GTF2E2: variants seen among roughly 807,000 people sequenced by gnomAD.
The protein encoded by GTF2E2 is transcription initiation factor IIE subunit beta.
A neutral mutation model predicts 40.5 loss-of-function variants in GTF2E2; 21 were observed. That is an observed-to-expected ratio of 0.52 (90% CI 0.37 to 0.75). The LOEUF (loss-of-function observed/expected upper bound fraction) is 0.75. Ranked by LOEUF, GTF2E2 falls within the 30% of genes least tolerant of loss-of-function variation. The pLI is 0.00. For missense variants in GTF2E2, 298 were observed against 338.4 expected (o/e 0.88, Z 0.94); for synonymous variants, 117 against 121.6 (o/e 0.96, Z 0.25).
chr8:30,637,636 G>A (rs985618320), intron 2 of GTF2E2, among the ~76,000 whole-genome samples: 3 of 152,078 alleles, frequency 2.0e-5, no homozygotes, highest in African/African-American at 7.2e-5. Flanking sequence ...CAATTCTCCT[G>A]CCTCAACCTC....
chr8:30,645,763 T>TA, intron 2 of GTF2E2: 1 of 628,456 alleles, frequency 1.6e-6, no homozygotes, highest in East Asian at 2.8e-5. Flanking sequence ...TTTGTGTGTA[T>TA]AGCCATTTCA....
chr8:30,653,546 G>A lies in GTF2E2; in HGVS notation c.53C>T (p.Ser18Phe), dbSNP rs1802357122. 1.5e-5 allele frequency: 25 copies of A among 1,613,216 alleles called. No individual in the cohort carries two copies. The highest frequency in any genetic ancestry group is 2.1e-5 in the Non-Finnish European group (25 of 1,179,388). The change falls in exon 2 of 8, where the codon TCT becomes TTT. Residue 18 changes from serine (S) to phenylalanine (F), a missense_variant. Ser to Phe is a radical substitution (Grantham distance 155, BLOSUM62 -2). Coordinates refer to ENST00000355904, the MANE Select transcript of GTF2E2 (RefSeq NM_002095.6). ...ERELFKKRALSTPVVEKRSAS... is the reference protein window; with the variant it reads ...ERELFKKRALFTPVVEKRSAS... ...TGAACGTTTTTCTACTACAGGAGTA[G>A]AAAGAGCTCGTTTTTTGAACAGCTC...
At chr8:30,613,378 T>C (rs1156566420) in intron 4 of GTF2E2, among the ~76,000 whole-genome samples, 3 of 152,188 alleles carry the variant, frequency 2.0e-5, no homozygotes, top group South Asian at 2.1e-4. Context: ...AATTACTGAA[T>C]ATAATTATGT....
chr8:30,607,044 C>G lies in GTF2E2; in HGVS notation c.643+13G>C. 9.5e-7 allele frequency: 1 copy of G among 1,054,414 alleles called. No homozygotes were observed. Among genetic ancestry groups the G allele is most frequent in the Non-Finnish European group, 1.4e-6 (1 of 698,186 alleles). The allele number at this position is 1,054,414 out of a possible 1,614,324, so 65.3% of individuals were successfully genotyped here. ...TATACTTGCAAACTAAAGTATAATACAGAAAAGCTCACCTTCATCCACAGA... is the reference window on the plus strand; with the variant it reads ...TATACTTGCAAACTAAAGTATAATAGAGAAAAGCTCACCTTCATCCACAGA... On this transcript the variant is annotated intron_variant, in intron 6 of 7. Coordinates refer to ENST00000355904, the MANE Select transcript of GTF2E2 (RefSeq NM_002095.6).
chr8:30,619,130 C>T (rs539188369), intron 3 of GTF2E2, among the ~76,000 whole-genome samples: 18 of 152,048 alleles, frequency 1.2e-4, no homozygotes, highest in South Asian at 4.2e-4. Flanking sequence ...TTAGTAAAGA[C>T]GAGGTTTCAC....
intron 3 of GTF2E2, among the ~76,000 whole-genome samples, chr8:30,630,991 G>A (rs2151144510): frequency 6.6e-6 from 1 of 151,862 alleles, no homozygotes; most frequent in African/African-American, 2.4e-5. Context: ...GAGAACACTG[G>A]TTAAAAAAAA....
At chr8:30,599,882 C>G (rs1829125554) in intron 6 of GTF2E2, among the ~76,000 whole-genome samples, 1 of 152,108 alleles carries the variant, frequency 6.6e-6, no homozygotes, top group African/African-American at 2.4e-5. Flanking sequence ...ACTAGGGAGG[C>G]TGAGGCAGAA....
At chr8:30,624,832 T>C (rs1482652082) in intron 3 of GTF2E2, among the ~76,000 whole-genome samples, 1 of 152,118 alleles carries the variant, frequency 6.6e-6, no homozygotes, top group Non-Finnish European at 1.5e-5. Flanking sequence ...TGTGTAAGAA[T>C]GCTTGTGGTT....
chr8:30,619,894 C>T (rs796978556), intron 3 of GTF2E2, among the ~76,000 whole-genome samples: 6 of 152,044 alleles, frequency 3.9e-5, no homozygotes, highest in African/African-American at 1.4e-4. Flanking sequence ...AACCAAGGAT[C>T]CAGAGATAGG....
chr8:30,623,381 T>C (rs1314973365), intron 3 of GTF2E2, among the ~76,000 whole-genome samples: 1 of 152,122 alleles, frequency 6.6e-6, no homozygotes, highest in Non-Finnish European at 1.5e-5. Flanking sequence ...GAACTCATCA[T>C]TTTTTATGGC....
chr8:30,648,050 G>C (rs1218361949), intron 2 of GTF2E2, among the ~76,000 whole-genome samples: 3 of 152,182 alleles, frequency 2.0e-5, no homozygotes, highest in Non-Finnish European at 4.4e-5. Context: ...AATTCACACT[G>C]AAGAATGAGA....
chr8:30,612,235 T>G (rs1829495494), intron 5 of GTF2E2, 64 bp downstream of exon 5: 1 of 1,054,554 alleles, frequency 9.5e-7, no homozygotes, highest in African/African-American at 1.6e-5. Context: ...TTTGATATTT[T>G]TAAAACCAAG....
chr8:30,600,612 A>T (rs563742517), intron 6 of GTF2E2, among the ~76,000 whole-genome samples: 85 of 152,294 alleles, frequency 5.6e-4, no homozygotes, highest in African/African-American at 7.2e-4. Flanking sequence ...ATAATAATAA[A>T]AAATAAATTA....
intron 4 of GTF2E2, among the ~76,000 whole-genome samples, chr8:30,613,164 G>T (rs1829528687): frequency 6.6e-6 from 1 of 152,200 alleles, no homozygotes; most frequent in African/African-American, 2.4e-5. Flanking sequence ...GAACTGAGTA[G>T]TGCCCACTCC....
chr8:30,606,475 A>C (rs1171911133), intron 6 of GTF2E2, among the ~76,000 whole-genome samples: 1 of 152,236 alleles, frequency 6.6e-6, no homozygotes, highest in Non-Finnish European at 1.5e-5. Flanking sequence ...GCAATTGGTA[A>C]ACTTGAATAA....
intron 2 of GTF2E2, among the ~76,000 whole-genome samples, chr8:30,636,680 A>C (rs1208358994): frequency 6.6e-6 from 1 of 152,168 alleles, no homozygotes; most frequent in Non-Finnish European, 1.5e-5. Flanking sequence ...ATCCTGGCCA[A>C]CATGGTGAAA....
Position 30,579,059 on chromosome 8 carries a change from A to G in GTF2E2, c.760-22T>C, listed in dbSNP as rs765890251. 32 of 1,228,664 alleles carry G rather than the reference A, an allele frequency of 2.6e-5. 1 individual carries two copies. Among genetic ancestry groups the G allele is most frequent in the South Asian group, 1.7e-4 (14 of 83,240 alleles). 76.1% of individuals were successfully genotyped at this position (1,228,664 alleles called of 1,614,324 possible). On this transcript the variant is annotated intron_variant, in intron 7 of 7. Coordinates refer to ENST00000355904, the MANE Select transcript of GTF2E2 (RefSeq NM_002095.6). ...GGGCCTAAAGGAAAAGGTAAAAACA[A>G]TTAGAAACAACAGCTGCTCTGAGGG...
chr8:30,596,241 GT>G (rs1229209050), intron 6 of GTF2E2, among the ~76,000 whole-genome samples: 1 of 151,908 alleles, frequency 6.6e-6, no homozygotes, highest in East Asian at 1.9e-4. Context: ...CTTCTGCCCC[GT>G]TTTCTTTCTT....
chr8:30,656,695 C>T (rs1802457647), intron 1 of GTF2E2, among the ~76,000 whole-genome samples: 1 of 150,858 alleles, frequency 6.6e-6, no homozygotes. Flanking sequence ...GTAATCCCAA[C>T]TACTTGGGAG....
Sources: allele counts gnomAD v4.1 joint callset (sites outside exome capture counted in the v4.1 genomes callset), GRCh38; gene constraint gnomAD v4.1.1; transcripts MANE v1.5; gene names NCBI Gene and HGNC (gene_info 2026-07-23, HGNC 2026-07-21).